GRHL3: variants seen among roughly 807,000 people sequenced by gnomAD.
The protein encoded by GRHL3 is grainyhead like transcription factor 3, also known as grainyhead-like protein 3 homolog.
GRHL3 carries 20 observed loss-of-function variants against 70.3 expected under a neutral mutation model. The ratio of observed to expected loss-of-function variants is 0.28; its 90% CI spans 0.20 to 0.41. The LOEUF (loss-of-function observed/expected upper bound fraction) is 0.41, where lower values mean the gene tolerates loss of function less well. Ranked by LOEUF, GRHL3 falls within the 10% of genes least tolerant of loss-of-function variation. GRHL3 has a pLI of 1.00. For synonymous variants in GRHL3, 299 were observed against 299.9 expected (o/e 1.00, Z 0.03); for missense variants, 637 against 762.3 (o/e 0.84, Z 1.94).
At chr1:24,346,800 C>A (rs1278395857) in intron 13 of GRHL3, among the ~76,000 whole-genome samples, 159 bp downstream of exon 13, 1 of 152,134 alleles carries the variant, frequency 6.6e-6, no homozygotes, top group Non-Finnish European at 1.5e-5. Context: ...AAGGAGGGAA[C>A]CTCAGGCTGC....
intron 11 of GRHL3, among the ~76,000 whole-genome samples, chr1:24,344,690 A>C (rs982539857): frequency 1.3e-5 from 2 of 151,876 alleles, no homozygotes; most frequent in African/African-American, 2.4e-5. Flanking sequence ...TCCTTGACCC[A>C]TCCAGCTCGG....
chr1:24,357,957 G>T (rs1640830106), downstream of GRHL3: 1 of 344,746 alleles, frequency 2.9e-6, no homozygotes, highest in Admixed American at 3.8e-5. Context: ...GTAAAGAGAG[G>T]TCTTTCCAAA....
intron 15 of GRHL3, among the ~76,000 whole-genome samples, chr1:24,352,740 C>A (rs1418372993): frequency 6.6e-6 from 1 of 152,204 alleles, no homozygotes; most frequent in Non-Finnish European, 1.5e-5. Context: ...CACCCCTCTG[C>A]CCAGTTCTGG....
intron 14 of GRHL3, among the ~76,000 whole-genome samples, chr1:24,349,534 G>A (rs992336082): frequency 6.6e-6 from 1 of 152,204 alleles, no homozygotes; most frequent in African/African-American, 2.4e-5. Context: ...AGTGTTTAAT[G>A]TGGATCAATC....
At chr1:24,340,562 T>C (rs989704216) in intron 8 of GRHL3, among the ~76,000 whole-genome samples, 10 of 152,138 alleles carry the variant, frequency 6.6e-5, no homozygotes, top group African/African-American at 2.4e-4. Context: ...GGCACTAGTG[T>C]GGGAGTCAGG....
At chr1:24,327,579 A>G (rs1639441376) in intron 1 of GRHL3, among the ~76,000 whole-genome samples, 1 of 152,208 alleles carries the variant, frequency 6.6e-6, no homozygotes, top group South Asian at 2.1e-4. Context: ...CAGGCTATCC[A>G]TGGCAGGTCT....
At chr1:24,323,750 C>T (rs1384127250) in intron 1 of GRHL3, among the ~76,000 whole-genome samples, 4 of 152,154 alleles carry the variant, frequency 2.6e-5, no homozygotes, top group South Asian at 2.1e-4. Context: ...TCTAAAATGC[C>T]GCAAATAATC....
Position 24,342,721 on chromosome 1 carries a change from G to A in GRHL3, c.1234G>A (p.Glu412Lys), listed in dbSNP as rs371427354. The A allele has an allele frequency of 3.3e-5, 53 of 1,614,086 alleles. No individual in the cohort carries two copies. The Admixed American group carries it at 3.3e-4, about 10-fold the overall frequency. The change falls in exon 10 of 16, where the codon GAG becomes AAG. Residue 412 changes from glutamate to lysine, a missense_variant. This residue lies in a region of GRHL3 where 387 missense variants were observed against 513.8 expected (regional missense o/e 0.75). Transcript: ENST00000361548. The surrounding 1 kb of genome is among the most constrained non-coding windows in gnomAD (Gnocchi z 4.8). ...KGAERKMRDD[E>K]RKQFRRKVKC... ...AGCTGAGAGGAAGATGCGCGATGAC[G>A]AGCGGAAGCAGTTCCGGAGGAAGGT...
At chr1:24,362,381 C>T (rs917598112) in intron 15 of GRHL3, among the ~76,000 whole-genome samples, 12 of 152,132 alleles carry the variant, frequency 7.9e-5, no homozygotes, top group Admixed American at 2.6e-4. Context: ...AGCATGATGG[C>T]GGAGGGGACT....
rs200646597 is a variant in GRHL3 at position 24,350,165 on chromosome 1, T to C, written c.1694+43T>C. On this transcript the variant is annotated intron_variant, in intron 15 of 15. Coordinates refer to ENST00000361548, the MANE Select transcript of GRHL3 (RefSeq NM_198173.3). ...CCTCCCCCAGCTGGTTGCTCAGTGC[T>C]GAGCAATGTTTGTACTTGGCCTTTG... 9 of 1,546,234 alleles carry C rather than the reference T, an allele frequency of 5.8e-6. No homozygotes were observed. In the African/African-American group the frequency reaches 9.5e-5, roughly 16 times the overall value.
intron 7 of GRHL3, 91 bp from the exon 8 acceptor site, chr1:24,339,577 C>A: frequency 3.6e-6 from 3 of 822,882 alleles, no homozygotes; most frequent in African/African-American, 1.7e-5. Flanking sequence ...CCACGCCCGG[C>A]CGAGTGAGGC....
At chr1:24,336,978 T>C in intron 4 of GRHL3, 100 bp from the exon 5 acceptor site, 1 of 1,287,308 alleles carries the variant, frequency 7.8e-7, no homozygotes. Context: ...GTCCAAGTTG[T>C]ACACTGTACA....
intron 1 of GRHL3, among the ~76,000 whole-genome samples, chr1:24,323,401 G>C (rs529940162): frequency 3.6e-4 from 55 of 152,302 alleles, no homozygotes; most frequent in Admixed American, 6.5e-4. Flanking sequence ...TGTCCAAGTT[G>C]TAAAACTGTT....
At chr1:24,339,815 A>G (rs1639969854) in intron 8 of GRHL3, 53 bp downstream of exon 8, 3 of 1,201,088 alleles carry the variant, frequency 2.5e-6, no homozygotes, top group Non-Finnish European at 3.6e-6. Flanking sequence ...GGAAGTCCCT[A>G]TTCTGGGGTA....
downstream of GRHL3, chr1:24,357,821 G>C (rs1040123614): frequency 3.4e-6 from 1 of 292,052 alleles, no homozygotes; most frequent in Admixed American, 4.7e-5. Flanking sequence ...CCATGGAAGG[G>C]CCTGTAAGCC....
chr1:24,336,942 C>A, intron 4 of GRHL3, 115 bp downstream of exon 4: 1 of 1,211,546 alleles, frequency 8.3e-7, no homozygotes, highest in Non-Finnish European at 1.2e-6. Flanking sequence ...CATCCTAGAG[C>A]TGAGACGGGA....
At chr1:24,338,149 C>G in intron 7 of GRHL3, 46 bp downstream of exon 7, 2 of 1,287,282 alleles carry the variant, frequency 1.6e-6, no homozygotes, top group Non-Finnish European at 2.2e-6. Flanking sequence ...TCTCTCTCCC[C>G]ACCCCCGCAT....
At chr1:24,362,020 C>G (rs188464837) in intron 15 of GRHL3, among the ~76,000 whole-genome samples, 1 of 152,324 alleles carries the variant, frequency 6.6e-6, no homozygotes, top group East Asian at 1.9e-4. Flanking sequence ...GGCTCACACC[C>G]AAGGCTTCTT....
chr1:24,338,387 C>T (rs1639909503), intron 7 of GRHL3, among the ~76,000 whole-genome samples: 1 of 152,194 alleles, frequency 6.6e-6, no homozygotes, highest in South Asian at 2.1e-4. Context: ...CTGATGAAGA[C>T]ACAAATGCAC....
Sources: allele counts gnomAD v4.1 joint callset (sites outside exome capture counted in the v4.1 genomes callset), GRCh38; gene constraint gnomAD v4.1.1; regional missense constraint gnomAD v4.1.1; non-coding constraint Gnocchi (gnomAD v3.1); transcripts MANE v1.5; gene names NCBI Gene and HGNC (gene_info 2026-07-23, HGNC 2026-07-21).